IL1RAPL2: variants seen among roughly 807,000 people sequenced by gnomAD.
The protein encoded by IL1RAPL2 is X-linked interleukin-1 receptor accessory protein-like 2.
A neutral mutation model predicts 44.1 loss-of-function variants in IL1RAPL2; 3 were observed. The ratio of observed to expected loss-of-function variants is 0.07; its 90% CI spans 0.03 to 0.18. The LOEUF (loss-of-function observed/expected upper bound fraction) is 0.18. Ranked by LOEUF, IL1RAPL2 falls within the 10% of genes least tolerant of loss-of-function variation. The probability of loss-of-function intolerance (pLI) is 1.00; values close to 1 mark genes in which losing one functional copy is unlikely to be tolerated. For missense variants in IL1RAPL2, 391 were observed against 496.4 expected, an observed-to-expected ratio of 0.79 and a Z score of 2.02; for synonymous variants, 181 against 178.8, an observed-to-expected ratio of 1.01 and a Z score of -0.10.
chrX:104,650,810 T>A (rs1467853320), intron 1 of IL1RAPL2, among the ~76,000 whole-genome samples: 1 of 111,597 alleles, frequency 9.0e-6, no homozygotes, highest in Non-Finnish European at 1.9e-5. Flanking sequence ...GGTTTATGAC[T>A]CCCATAGCAT....
At position 105,653,546 on chromosome X, in the gene IL1RAPL2, C is replaced by T. The variant is rs771940897; in HGVS notation, c.773-63821C>T. Among the ~76,000 whole-genome samples the T allele has an allele frequency of 6.4e-5, 7 of 109,255 alleles. No homozygotes were observed. The South Asian group carries it at 2.8e-3, about 44-fold the overall frequency. 94.9% of individuals were successfully genotyped at this position (109,255 alleles called of 115,157 possible). A position where few individuals can be genotyped will look rare whatever the true frequency, so the allele number is the denominator to read the frequency against. Reference sequence around the variant, plus strand: ...CCCTCCTTTCCTTCCTTCCTTCCTCCCTTCCTTTTTTTCTTCCTTTCTTCC... The same window carrying T: ...CCCTCCTTTCCTTCCTTCCTTCCTCTCTTCCTTTTTTTCTTCCTTTCTTCC... On this transcript the variant is annotated intron_variant, in intron 6 of 10. Transcript: ENST00000372582.
intron 2 of IL1RAPL2, among the ~76,000 whole-genome samples, chrX:104,887,535 C>T (rs1433925860): frequency 9.0e-6 from 1 of 111,380 alleles, no homozygotes; most frequent in Non-Finnish European, 1.9e-5. Context: ...ACTGTCTGGA[C>T]TACTCATGAC....
At chrX:105,044,586 A>T (rs1271741285) in intron 2 of IL1RAPL2, among the ~76,000 whole-genome samples, 1 of 111,646 alleles carries the variant, frequency 9.0e-6, no homozygotes, top group Non-Finnish European at 1.9e-5. Flanking sequence ...TTTCCACCAT[A>T]GAACCCCAGA....
chrX:105,102,651 GTGTGTATATA>G (rs1192119870), intron 2 of IL1RAPL2, among the ~76,000 whole-genome samples: 33 of 111,804 alleles, frequency 3.0e-4, no homozygotes, highest in African/African-American at 8.4e-4. Flanking sequence ...ATGTACACAT[GTGTGTATATA>G]TGTGTATATA....
At chrX:104,649,837 AG>A (rs1930119868) in intron 1 of IL1RAPL2, among the ~76,000 whole-genome samples, 1 of 112,177 alleles carries the variant, frequency 8.9e-6, no homozygotes, top group Non-Finnish European at 1.9e-5. Flanking sequence ...AGCATGAACC[AG>A]AAACCTGACA....
intron 3 of IL1RAPL2, chrX:105,219,669 C>T: frequency 8.3e-7 from 1 of 1,210,433 alleles, no homozygotes; most frequent in Non-Finnish European, 1.1e-6. Context: ...CTTCTTCCTC[C>T]TCAGCTGCTC....
chrX:104,684,426 C>T (rs1042946279), intron 2 of IL1RAPL2, among the ~76,000 whole-genome samples: 1 of 111,804 alleles, frequency 8.9e-6, no homozygotes, highest in South Asian at 3.8e-4. Context: ...GTGCAGGGAA[C>T]CAACATCAAT....
At chrX:104,926,498 G>A (rs1924776845) in intron 2 of IL1RAPL2, among the ~76,000 whole-genome samples, 1 of 111,827 alleles carries the variant, frequency 8.9e-6, no homozygotes, top group East Asian at 2.8e-4. Flanking sequence ...TGCAGTGTCA[G>A]TGTTTGATGT....
intron 1 of IL1RAPL2, among the ~76,000 whole-genome samples, chrX:104,574,974 A>T (rs1212130926): frequency 8.9e-6 from 1 of 112,102 alleles, no homozygotes; most frequent in South Asian, 3.6e-4. Flanking sequence ...TAATACAAGC[A>T]TATATTTTAT....
intron 5 of IL1RAPL2, among the ~76,000 whole-genome samples, chrX:105,303,486 C>G (rs1025598289): frequency 8.9e-6 from 1 of 111,966 alleles, no homozygotes; most frequent in African/African-American, 3.2e-5. Flanking sequence ...TAACATTCCC[C>G]ATATCAGCAG....
At chrX:104,641,971 C>T (rs747235979) in intron 1 of IL1RAPL2, among the ~76,000 whole-genome samples, 14 of 111,716 alleles carry the variant, frequency 1.3e-4, no homozygotes, top group Admixed American at 4.7e-4. Flanking sequence ...ACTTCCCTCC[C>T]GTGGTCTCCT....
rs768586515 is a variant in IL1RAPL2 at position 105,679,887 on chromosome X, T to G, written c.773-37480T>G. Among the ~76,000 whole-genome samples the G allele has an allele frequency of 5.3e-5, 6 of 112,309 alleles. No individual in the cohort carries two copies. The South Asian group carries it at 2.2e-3, about 42-fold the overall frequency. ...TTCTTAAGTTTATTTTGATGGATGTTTTCATAAAGAATCTCAGATTGGACT... is the reference window on the plus strand; with the variant it reads ...TTCTTAAGTTTATTTTGATGGATGTGTTCATAAAGAATCTCAGATTGGACT... On this transcript the variant is annotated intron_variant, in intron 6 of 10. Coordinates refer to ENST00000372582, the MANE Select transcript of IL1RAPL2 (RefSeq NM_017416.2).
intron 5 of IL1RAPL2, among the ~76,000 whole-genome samples, chrX:105,328,533 G>A (rs182184018): frequency 1.2e-3 from 139 of 111,706 alleles, no homozygotes; most frequent in African/African-American, 4.3e-3. Context: ...TGTAGTCATA[G>A]TAGTCATACC....
intron 3 of IL1RAPL2, among the ~76,000 whole-genome samples, chrX:105,211,005 A>G (rs2033804042): frequency 9.3e-6 from 1 of 107,683 alleles, no homozygotes; most frequent in African/African-American, 3.4e-5. Flanking sequence ...TTTTGACCCC[A>G]CCCACTCCTA....
chrX:105,242,817 A>T (rs1007409070), intron 4 of IL1RAPL2, among the ~76,000 whole-genome samples: 25 of 111,830 alleles, frequency 2.2e-4, no homozygotes, highest in African/African-American at 8.1e-4. Flanking sequence ...GTAAATTTAA[A>T]GGAATGGGCC....
intron 5 of IL1RAPL2, among the ~76,000 whole-genome samples, chrX:105,412,252 A>G (rs1157495123): frequency 9.2e-6 from 1 of 108,424 alleles, no homozygotes; most frequent in Non-Finnish European, 1.9e-5. Context: ...TACAATAGCC[A>G]AGATATAGAA....
intron 2 of IL1RAPL2, among the ~76,000 whole-genome samples, chrX:104,945,934 A>AT (rs780514303): frequency 6.4e-5 from 7 of 108,923 alleles, no homozygotes; most frequent in East Asian, 5.8e-4. Context: ...TGGATACATG[A>AT]TTTTTTTTTC....
intron 2 of IL1RAPL2, among the ~76,000 whole-genome samples, chrX:104,837,240 A>G (rs1921766583): frequency 9.0e-6 from 1 of 111,663 alleles, no homozygotes; most frequent in African/African-American, 3.3e-5. Flanking sequence ...TTGGGTACAT[A>G]GCCAGTAATG....
chrX:105,615,416 T>C (rs1176036482), intron 6 of IL1RAPL2, among the ~76,000 whole-genome samples: 1 of 111,921 alleles, frequency 8.9e-6, no homozygotes, highest in Non-Finnish European at 1.9e-5. Context: ...ATGGCCAAGA[T>C]TTGGAAGCAA....
Sources: allele counts gnomAD v4.1 joint callset (sites outside exome capture counted in the v4.1 genomes callset), GRCh38; gene constraint gnomAD v4.1.1; transcripts MANE v1.5; gene names NCBI Gene and HGNC (gene_info 2026-07-23, HGNC 2026-07-21).